The following DMD variants were observed in gnomAD, a reference collection of about 807,000 sequenced individuals.
DMD encodes dystrophin.
In DMD, 63 loss-of-function variants were observed where a neutral mutation model predicts 330.1. That is an observed-to-expected ratio of 0.19 (90% CI 0.16 to 0.24). DMD has a LOEUF of 0.24. Among genes scored for constraint, DMD ranks in the 10% least tolerant of loss-of-function variants. The pLI, the probability that DMD is intolerant of heterozygous loss-of-function variation, is 1.00. For missense variants in DMD, 3,344 were observed against 2,684.1 expected (o/e 1.25, Z -5.43); for synonymous variants, 1,223 against 959.8 (o/e 1.27, Z -5.07).
intron 55 of DMD, among the ~76,000 whole-genome samples, chrX:31,509,958 T>C (rs756883630): frequency 1.8e-5 from 2 of 112,146 alleles, no homozygotes; most frequent in Non-Finnish European, 3.8e-5. Flanking sequence ...TCTTCATAGA[T>C]ACTGGGATAA....
At chrX:31,137,077 G>C (rs923857778) in intron 76 of DMD, among the ~76,000 whole-genome samples, 15 of 110,980 alleles carry the variant, frequency 1.4e-4, no homozygotes, top group Non-Finnish European at 1.9e-5. Context: ...GGAGTGCAGT[G>C]GTGGAATCTC....
chrX:31,866,082 G>A (rs1332255346), intron 48 of DMD, among the ~76,000 whole-genome samples: 1 of 111,230 alleles, frequency 9.0e-6, no homozygotes, highest in East Asian at 2.8e-4. Flanking sequence ...CCCTAAGCTG[G>A]CTCATCTAAG....
rs1226344664 is a variant in DMD, at chrX:32,832,887, CCCTT to C, written c.265-9504_265-9501del. On this transcript the variant is annotated intron_variant, in intron 4 of 78. Transcript: ENST00000357033. ...GGATTTCCAATGACAGCTTTTTATTCCCTTCCTTATCTCCGTATTTCAAGAATTA... is the reference window on the plus strand; with the variant it reads ...GGATTTCCAATGACAGCTTTTTATTCCCTTATCTCCGTATTTCAAGAATTA... Among the ~76,000 whole-genome samples, 11 of 111,218 alleles carry C rather than the reference CCCTT, an allele frequency of 9.9e-5. No individual in the cohort carries two copies. In the East Asian group the frequency reaches 2.3e-3, roughly 23 times the overall value.
chrX:32,827,358 G>T (rs1442483652), intron 4 of DMD, among the ~76,000 whole-genome samples: 1 of 111,250 alleles, frequency 9.0e-6, no homozygotes, highest in East Asian at 2.8e-4. Context: ...TCACTAGGGG[G>T]TAATTAACTG....
chrX:32,619,719 T>C (rs1237695310), intron 11 of DMD, among the ~76,000 whole-genome samples: 3 of 111,824 alleles, frequency 2.7e-5, no homozygotes, highest in African/African-American at 6.5e-5. Flanking sequence ...CACTCAAATA[T>C]GTTTCGCTCA....
chrX:32,058,979 T>C (rs2096202751), intron 44 of DMD, among the ~76,000 whole-genome samples: 1 of 111,360 alleles, frequency 9.0e-6, no homozygotes, highest in South Asian at 3.7e-4. Context: ...CTAAATAAAA[T>C]AAGCAAGTCG....
intron 4 of DMD, among the ~76,000 whole-genome samples, chrX:32,837,386 T>G (rs2079747180): frequency 9.0e-6 from 1 of 111,430 alleles, no homozygotes; most frequent in Admixed American, 9.6e-5. Context: ...TTCTCTCAAC[T>G]TCACCAGGCA....
intron 7 of DMD, among the ~76,000 whole-genome samples, chrX:32,766,754 TAA>T (rs1186567288): frequency 1.8e-5 from 2 of 111,673 alleles, no homozygotes; most frequent in South Asian, 3.7e-4. Flanking sequence ...TCGAAGCTGC[TAA>T]GAGAGTACAC....
At chrX:31,624,930 C>G (rs1282161007) in intron 55 of DMD, among the ~76,000 whole-genome samples, 2 of 112,236 alleles carry the variant, frequency 1.8e-5, no homozygotes, top group Non-Finnish European at 3.8e-5. Flanking sequence ...AGGTATGCTG[C>G]TTTATTTATT....
chrX:33,088,817 G>C (rs1481900239), intron 1 of DMD, among the ~76,000 whole-genome samples: 4 of 111,914 alleles, frequency 3.6e-5, no homozygotes, highest in Non-Finnish European at 7.5e-5. Flanking sequence ...GAAATATTTT[G>C]CTTTTTTGAA....
At chrX:32,178,471 G>A (rs1468242507) in intron 44 of DMD, among the ~76,000 whole-genome samples, 1 of 109,294 alleles carries the variant, frequency 9.1e-6, no homozygotes, top group Non-Finnish European at 1.9e-5. Context: ...TCACTCTGTG[G>A]CAAGAACAGC....
intron 76 of DMD, among the ~76,000 whole-genome samples, chrX:31,143,912 T>G (rs189744322): frequency 4.5e-5 from 5 of 112,291 alleles, no homozygotes; most frequent in Non-Finnish European, 9.4e-5. Context: ...TTTTCAGAAT[T>G]TACAGACTTT....
intron 1 of DMD, among the ~76,000 whole-genome samples, chrX:33,074,893 C>G (rs983993482): frequency 8.9e-6 from 1 of 111,980 alleles, no homozygotes; most frequent in Non-Finnish European, 1.9e-5. Flanking sequence ...TTAATTATTC[C>G]TGGGCTTATG....
intron 2 of DMD, among the ~76,000 whole-genome samples, chrX:32,975,837 A>T (rs1317182913): frequency 1.8e-5 from 2 of 111,720 alleles, no homozygotes; most frequent in African/African-American, 6.5e-5. Flanking sequence ...TCACAGGGCC[A>T]GTTTCTTGCT....
intron 53 of DMD, among the ~76,000 whole-genome samples, chrX:31,662,787 G>A (rs1321787281): frequency 9.0e-6 from 1 of 111,475 alleles, no homozygotes; most frequent in Admixed American, 9.5e-5. Context: ...CCATGCCTCC[G>A]GCTTGTCCTG....
chrX:31,289,051 G>C (rs1029780714), intron 62 of DMD, among the ~76,000 whole-genome samples: 1 of 107,932 alleles, frequency 9.3e-6, no homozygotes, highest in African/African-American at 3.4e-5. Context: ...AGGTCGAGGC[G>C]GGTGGATCAT....
chrX:33,138,191 T>G (rs1328830790), intron 1 of DMD, among the ~76,000 whole-genome samples: 1 of 112,138 alleles, frequency 8.9e-6, no homozygotes. Flanking sequence ...TTTGAGTCTG[T>G]CCTTTTAACC....
In DMD at chrX:31,627,670, T is replaced by C; in HGVS notation, c.8217+3A>G. On this transcript the variant is annotated splice_donor_region_variant and intron_variant, in intron 55 of 78. Coordinates refer to ENST00000357033, the MANE Select transcript of DMD (RefSeq NM_004006.3). The stretch of plus-strand genomic sequence containing the variant: ...AGTGCTAAAGCGGAAATGCCTGACT[T>C]ACTTGCCATTGTTTCATCAGCTCTT... 1 of 1,210,505 alleles carries C rather than the reference T, an allele frequency of 8.3e-7. No individual in the cohort carries two copies. The highest frequency in any genetic ancestry group is 1.1e-6 in the Non-Finnish European group (1 of 894,741).
chrX:32,794,328 G>A (rs1017964684), intron 7 of DMD, among the ~76,000 whole-genome samples: 10 of 112,049 alleles, frequency 8.9e-5, no homozygotes, highest in South Asian at 3.7e-4. Flanking sequence ...GGTGGCTCAC[G>A]CCTGTAATCC....
Sources: allele counts gnomAD v4.1 joint callset (sites outside exome capture counted in the v4.1 genomes callset), GRCh38; gene constraint gnomAD v4.1.1; transcripts MANE v1.5; gene names NCBI Gene and HGNC (gene_info 2026-07-23, HGNC 2026-07-21).